PTPRM: variants seen among roughly 807,000 people sequenced by gnomAD.
The protein encoded by PTPRM is receptor-type tyrosine-protein phosphatase mu.
PTPRM carries 47 observed loss-of-function variants against 186.7 expected under a neutral mutation model. The observed-to-expected ratio is 0.25, with a 90% CI of 0.20 to 0.32. The LOEUF (loss-of-function observed/expected upper bound fraction) is 0.32, where lower values mean the gene tolerates loss of function less well. Among genes scored for constraint, PTPRM ranks in the 10% least tolerant of loss-of-function variants. The probability of loss-of-function intolerance (pLI) is 1.00; values close to 1 mark genes in which losing one functional copy is unlikely to be tolerated. For missense variants in PTPRM, 1,494 were observed against 1,865.0 expected (o/e 0.80, Z 3.66); for synonymous variants, 668 against 674.9 (o/e 0.99, Z 0.16).
rs1313018254 is a variant in PTPRM at position 8,289,577 on chromosome 18, C to T, written c.2755-6791C>T. 1.0e-4 allele frequency among the ~76,000 whole-genome samples: 12 copies of T among 116,666 alleles called. 1 individual carries two copies. Among genetic ancestry groups the T allele is most frequent in the Non-Finnish European group, 1.5e-4 (9 of 60,108 alleles). The allele number at this position is 116,666 out of a possible 152,430, so 76.5% of individuals were successfully genotyped here. A position where few individuals can be genotyped will look rare whatever the true frequency, so the allele number is the denominator to read the frequency against. The stretch of plus-strand genomic sequence containing the variant: ...ATATATATACACATATATATATATA[C>T]ATATATATATACACATATATATATA... On this transcript the variant is annotated intron_variant, in intron 19 of 32. Coordinates refer to ENST00000580170, the MANE Select transcript of PTPRM (RefSeq NM_001105244.2).
intron 22 of PTPRM, among the ~76,000 whole-genome samples, chr18:8,325,164 T>G (rs2095368117): frequency 6.6e-6 from 1 of 152,186 alleles, no homozygotes; most frequent in Non-Finnish European, 1.5e-5. Context: ...AGCTATTTAT[T>G]TATTTTTTAA....
chr18:7,718,292 A>G (rs951877137), intron 1 of PTPRM, among the ~76,000 whole-genome samples: 1 of 152,184 alleles, frequency 6.6e-6, no homozygotes. Flanking sequence ...GACAAAGCAT[A>G]TAAATACATA....
chr18:8,189,039 C>T (rs924398099), intron 14 of PTPRM, among the ~76,000 whole-genome samples: 3 of 151,934 alleles, frequency 2.0e-5, no homozygotes, highest in Non-Finnish European at 4.4e-5. Flanking sequence ...GGCGTGGTGG[C>T]TCACACCTGT....
chr18:7,581,323 C>G (rs904187626), intron 1 of PTPRM, among the ~76,000 whole-genome samples: 3 of 152,146 alleles, frequency 2.0e-5, no homozygotes, highest in African/African-American at 7.2e-5. Flanking sequence ...AAATTCTCTT[C>G]CCTCATGGTA....
chr18:8,223,147 C>G (rs1011807195), intron 14 of PTPRM, among the ~76,000 whole-genome samples: 3 of 152,116 alleles, frequency 2.0e-5, no homozygotes, highest in Non-Finnish European at 2.9e-5. Flanking sequence ...TTGCTTGAAC[C>G]TGGGAGGTGG....
intron 1 of PTPRM, among the ~76,000 whole-genome samples, chr18:7,624,826 A>G (rs1276047682): frequency 6.6e-6 from 1 of 152,130 alleles, no homozygotes; most frequent in East Asian, 1.9e-4. Flanking sequence ...CTACTGCATG[A>G]GATTGTTGCG....
chr18:7,991,197 C>G (rs548101932), intron 7 of PTPRM, among the ~76,000 whole-genome samples: 1 of 152,282 alleles, frequency 6.6e-6, no homozygotes, highest in East Asian at 1.9e-4. Context: ...TTACACCTCA[C>G]TCACTGTTAA....
intron 2 of PTPRM, among the ~76,000 whole-genome samples, chr18:7,860,284 G>C (rs1290822710): frequency 6.6e-6 from 1 of 152,100 alleles, no homozygotes; most frequent in African/African-American, 2.4e-5. Context: ...TGTTGGCTAG[G>C]CTGGCCTTGA....
intron 4 of PTPRM, among the ~76,000 whole-genome samples, chr18:7,917,515 G>A (rs867276980): frequency 2.0e-5 from 3 of 152,262 alleles, no homozygotes; most frequent in Middle Eastern, 3.4e-3. Flanking sequence ...CAGCCTGGGC[G>A]ACAGAGTGAG....
chr18:7,979,802 G>A (rs2082446452), intron 7 of PTPRM, among the ~76,000 whole-genome samples: 1 of 152,168 alleles, frequency 6.6e-6, no homozygotes, highest in Non-Finnish European at 1.5e-5. Context: ...GATGGTGCTT[G>A]GAGGCTGGGG....
At chr18:7,674,041 G>A (rs1046473300) in intron 1 of PTPRM, among the ~76,000 whole-genome samples, 9 of 152,140 alleles carry the variant, frequency 5.9e-5, no homozygotes, top group Non-Finnish European at 5.9e-5. Flanking sequence ...AGGGGGAGAT[G>A]GGACTGAGGG....
In PTPRM at chr18:7,850,845, C is replaced by T. The variant is rs984585974; in HGVS notation, c.197-37261C>T. Among the ~76,000 whole-genome samples the T allele has an allele frequency of 8.6e-5, 13 of 152,046 alleles. 1 individual carries two copies. Among genetic ancestry groups the T allele is most frequent in the Admixed American group, 8.5e-4 (13 of 15,260 alleles). On this transcript the variant is annotated intron_variant, in intron 2 of 32. Transcript: ENST00000580170. ...ATTCAATTAAAAATAACCAGGTACC[C>T]CAAAACATAGCACTTAACTGAAAAT...
chr18:8,138,900 A>ACCCACCCCTCCAAACC (rs2092700199), intron 13 of PTPRM, among the ~76,000 whole-genome samples: 2 of 151,872 alleles, frequency 1.3e-5, no homozygotes, highest in African/African-American at 4.8e-5. Context: ...CTCCGTGCGG[A>ACCCACCCCTCCAAACC]TGCTCCCTGT....
At chr18:8,225,834 C>T (rs2147110056) in intron 14 of PTPRM, among the ~76,000 whole-genome samples, 1 of 152,108 alleles carries the variant, frequency 6.6e-6, no homozygotes, top group South Asian at 2.1e-4. Flanking sequence ...CAAAAGATAA[C>T]CATAAACAAA....
chr18:7,617,576 C>T (rs993186034), intron 1 of PTPRM, among the ~76,000 whole-genome samples: 1 of 151,868 alleles, frequency 6.6e-6, no homozygotes, highest in Non-Finnish European at 1.5e-5. Context: ...CATAGTTTTC[C>T]AGAGTAAATT....
chr18:7,962,135 CTAT>C (rs1417004337), intron 7 of PTPRM, among the ~76,000 whole-genome samples: 1 of 152,104 alleles, frequency 6.6e-6, no homozygotes, highest in Non-Finnish European at 1.5e-5. Context: ...TGTGAATCTC[CTAT>C]TTTTTTGTGA....
At chr18:7,979,906 G>A (rs914618629) in intron 7 of PTPRM, among the ~76,000 whole-genome samples, 8 of 152,134 alleles carry the variant, frequency 5.3e-5, no homozygotes, top group East Asian at 3.9e-4. Flanking sequence ...ACCTTGTCCC[G>A]CCCTGGGTTG....
intron 29 of PTPRM, among the ~76,000 whole-genome samples, chr18:8,383,322 A>T (rs2095750391): frequency 6.7e-6 from 1 of 150,222 alleles, no homozygotes; most frequent in Non-Finnish European, 1.5e-5. Context: ...AAAAAAAAAA[A>T]AAAAAAAAGG....
At chr18:7,948,353 A>G (rs564206920) in intron 5 of PTPRM, among the ~76,000 whole-genome samples, 120 of 152,228 alleles carry the variant, frequency 7.9e-4, no homozygotes, top group African/African-American at 2.7e-3. Flanking sequence ...AGAGAACTAA[A>G]ATCTCTAACC....
Sources: gnomAD v4.1 joint callset for allele counts (sites outside exome capture counted in the v4.1 genomes callset) on GRCh38, gnomAD v4.1.1 for gene constraint, MANE v1.5 for transcripts, NCBI Gene and HGNC (gene_info 2026-07-23, HGNC 2026-07-21) for gene names.